Variants in TEX11 observed in about 807,000 individuals in gnomAD.
The protein encoded by TEX11 is testis-expressed protein 11.
In TEX11, 7 loss-of-function variants were observed where a neutral mutation model predicts 84.4. The observed-to-expected ratio is 0.08, with a 90% CI of 0.05 to 0.16. The LOEUF is 0.16. Ranked by LOEUF, TEX11 falls within the 10% of genes least tolerant of loss-of-function variation. TEX11 has a pLI of 1.00. For synonymous variants in TEX11, 264 were observed against 222.8 expected, an observed-to-expected ratio of 1.18 and a Z score of -1.64; for missense variants, 551 against 660.5, an observed-to-expected ratio of 0.83 and a Z score of 1.82.
chrX:70,602,678 C>T (rs1339540503), intron 24 of TEX11, among the ~76,000 whole-genome samples: 1 of 107,987 alleles, frequency 9.3e-6, no homozygotes. Flanking sequence ...TCCTATTCAA[C>T]ATAGTGTTGG....
At chrX:70,767,297 T>C (rs2090946653) in intron 9 of TEX11, among the ~76,000 whole-genome samples, 1 of 111,586 alleles carries the variant, frequency 9.0e-6, no homozygotes, top group Non-Finnish European at 1.9e-5. Flanking sequence ...AATCAAAAAA[T>C]GAGGAAACGA....
chrX:70,746,782 G>A (rs1290916694), intron 9 of TEX11, among the ~76,000 whole-genome samples: 3 of 112,105 alleles, frequency 2.7e-5, no homozygotes, highest in Non-Finnish European at 5.6e-5. Flanking sequence ...CCAACCAGAA[G>A]GTTACCAGAG....
intron 8 of TEX11, among the ~76,000 whole-genome samples, chrX:70,824,364 T>A (rs2091333775): frequency 8.9e-6 from 1 of 112,199 alleles, no homozygotes; most frequent in African/African-American, 3.2e-5. Flanking sequence ...ATATTCAATT[T>A]TGGTTTTTAT....
intron 2 of TEX11, among the ~76,000 whole-genome samples, chrX:70,904,104 G>A (rs2091817563): frequency 9.3e-6 from 1 of 107,195 alleles, no homozygotes; most frequent in African/African-American, 3.4e-5. Context: ...ACAGGCGTGA[G>A]CCACCAGGCC....
At chrX:70,808,905 A>T (rs370362675) in intron 8 of TEX11, among the ~76,000 whole-genome samples, 1 of 111,738 alleles carries the variant, frequency 8.9e-6, no homozygotes, top group South Asian at 3.7e-4. Context: ...AGACATGCAA[A>T]CTCTTCAAAC....
chrX:70,719,697 A>C (rs2090539136), intron 13 of TEX11, among the ~76,000 whole-genome samples: 1 of 112,272 alleles, frequency 8.9e-6, no homozygotes. Flanking sequence ...ACCCCATCAA[A>C]AAGTGGGCAA....
chrX:70,885,461 C>A (rs2091702854), intron 2 of TEX11, among the ~76,000 whole-genome samples: 1 of 111,337 alleles, frequency 9.0e-6, no homozygotes, highest in South Asian at 3.7e-4. Context: ...CCAAAAATTT[C>A]TCCAAGAAGA....
the TEX11 span, among the ~76,000 whole-genome samples, chrX:70,511,558 A>T: frequency 0.011 from 1,099 of 101,770 alleles, 12 homozygotes; most frequent in African/African-American, 0.017. Flanking sequence ...TTCGAGACCA[A>T]ATTGGCCAAC....
chrX:70,546,619 A>C (rs1419242334), intron 28 of TEX11, among the ~76,000 whole-genome samples: 1 of 111,691 alleles, frequency 9.0e-6, no homozygotes, highest in African/African-American at 3.2e-5. Context: ...ACAGTCAATA[A>C]GTACATGAAA....
At chrX:70,603,032 A>C (rs2089146216) in intron 24 of TEX11, among the ~76,000 whole-genome samples, 2 of 28,137 alleles carry the variant, frequency 7.1e-5, no homozygotes. Context: ...ACTACAAACC[A>C]CTGCTCAAGG....
At chrX:70,801,207 T>C (rs1474237760) in intron 9 of TEX11, among the ~76,000 whole-genome samples, 1 of 111,389 alleles carries the variant, frequency 9.0e-6, no homozygotes, top group East Asian at 2.8e-4. Flanking sequence ...CAAGCACAAA[T>C]GCCTGTAATG....
chrX:70,604,739 T>C (rs747402815), intron 24 of TEX11, among the ~76,000 whole-genome samples: 84 of 111,148 alleles, frequency 7.6e-4, no homozygotes, highest in Non-Finnish European at 5.9e-4. Context: ...GAGATCTAGA[T>C]CTTAAAAATC....
the TEX11 span, among the ~76,000 whole-genome samples, chrX:70,516,728 T>C: frequency 3.6e-5 from 4 of 110,303 alleles, no homozygotes; most frequent in African/African-American, 3.3e-5. Flanking sequence ...GCCATTTTCA[T>C]GATATTGATT....
chrX:70,526,417 A>C (rs761211296), downstream of TEX11, among the ~76,000 whole-genome samples: 1 of 110,501 alleles, frequency 9.0e-6, no homozygotes, highest in South Asian at 3.9e-4. Context: ...AAAAATACAA[A>C]AATTAGCCAG....
intron 9 of TEX11, among the ~76,000 whole-genome samples, chrX:70,759,102 T>C (rs1487707242): frequency 9.0e-6 from 1 of 110,999 alleles, no homozygotes; most frequent in African/African-American, 3.3e-5. Flanking sequence ...AATAACAGGT[T>C]CCAAAATTGA....
At chrX:70,715,686 A>G (rs916914181) in intron 13 of TEX11, among the ~76,000 whole-genome samples, 1 of 111,286 alleles carries the variant, frequency 9.0e-6, no homozygotes, top group African/African-American at 3.3e-5. Flanking sequence ...CTAGTTAGCC[A>G]TTTGTCTAAT....
At chrX:70,812,678 A>T (rs755657738) in intron 8 of TEX11, among the ~76,000 whole-genome samples, 2 of 111,404 alleles carry the variant, frequency 1.8e-5, no homozygotes, top group African/African-American at 6.5e-5. Flanking sequence ...TGAAAAGATC[A>T]ACAAAATTGA....
chrX:70,756,990 T>G (rs950927580), intron 9 of TEX11, among the ~76,000 whole-genome samples: 1 of 112,233 alleles, frequency 8.9e-6, no homozygotes, highest in Admixed American at 9.5e-5. Context: ...CTTTGATAGC[T>G]GATTCAATCA....
chrX:70,715,346 C>A (rs1454489617), intron 13 of TEX11, among the ~76,000 whole-genome samples: 2 of 111,829 alleles, frequency 1.8e-5, no homozygotes, highest in Non-Finnish European at 3.8e-5. Context: ...GCCTGCCTTG[C>A]TAGATTGGGG....
Sources: allele counts gnomAD v4.1 joint callset (sites outside exome capture counted in the v4.1 genomes callset), GRCh38; gene constraint gnomAD v4.1.1; transcripts MANE v1.5; gene names NCBI Gene and HGNC (gene_info 2026-07-23, HGNC 2026-07-21).